RB1: variants seen among roughly 807,000 people sequenced by gnomAD.
The protein encoded by RB1 is retinoblastoma-associated protein.
In RB1, 18 loss-of-function variants were observed where a neutral mutation model predicts 135.4. That is an observed-to-expected ratio of 0.13 (90% CI 0.09 to 0.20). The LOEUF (loss-of-function observed/expected upper bound fraction) is 0.20. RB1 is among the 10% of genes least tolerant of loss of function. The probability of loss-of-function intolerance (pLI) is 1.00; values close to 1 mark genes in which losing one functional copy is unlikely to be tolerated. For missense variants in RB1, 868 were observed against 1,110.0 expected, an observed-to-expected ratio of 0.78 and a Z score of 3.10; for synonymous variants, 365 against 373.2, an observed-to-expected ratio of 0.98 and a Z score of 0.25.
rs1039243676 is a variant in RB1, at chr13:48,345,336, C to T, written c.500+137C>T. The T allele has an allele frequency of 5.7e-5, 58 of 1,010,492 alleles. 1 individual carries two copies. The Middle Eastern group carries it at 1.6e-3, about 28-fold the overall frequency. 62.6% of individuals were successfully genotyped at this position (1,010,492 alleles called of 1,614,324 possible). Reference sequence around the variant, plus strand: ...AGACTTGTCCCTTTTAATGTTAGCTCATTAATTCTTAGCTTTCTTATTTAT... The same window carrying T: ...AGACTTGTCCCTTTTAATGTTAGCTTATTAATTCTTAGCTTTCTTATTTAT... On this transcript the variant is annotated intron_variant, in intron 4 of 26. Transcript: ENST00000267163.
chr13:48,316,686 C>T (rs925440074), intron 2 of RB1, among the ~76,000 whole-genome samples: 24 of 148,848 alleles, frequency 1.6e-4, no homozygotes, highest in Non-Finnish European at 3.4e-4. Context: ...GTATAACCGA[C>T]TCCTGTTTCT....
chr13:48,309,044 T>A (rs1952110147), intron 2 of RB1, among the ~76,000 whole-genome samples: 1 of 152,188 alleles, frequency 6.6e-6, no homozygotes, highest in Non-Finnish European at 1.5e-5. Flanking sequence ...TTCCAACTTT[T>A]TGATGCTATA....
chr13:48,465,760 C>T (rs915622553), intron 23 of RB1, among the ~76,000 whole-genome samples: 19 of 151,230 alleles, frequency 1.3e-4, no homozygotes, highest in Non-Finnish European at 1.0e-4. Context: ...CGCAAGGGGT[C>T]AGGGAGTTCC....
intron 17 of RB1, among the ~76,000 whole-genome samples, chr13:48,416,000 T>C (rs993002459): frequency 2.0e-5 from 3 of 152,228 alleles, no homozygotes; most frequent in African/African-American, 7.2e-5. Flanking sequence ...TAATAGATAC[T>C]TTTGTATTTG....
chr13:48,323,662 T>C (rs1467160934), intron 2 of RB1, among the ~76,000 whole-genome samples: 1 of 152,120 alleles, frequency 6.6e-6, no homozygotes, highest in African/African-American at 2.4e-5. Flanking sequence ...CTGCCTACTT[T>C]TAGAATTGCT....
intron 17 of RB1, among the ~76,000 whole-genome samples, chr13:48,424,558 G>C (rs919386362): frequency 1.3e-5 from 2 of 152,038 alleles, no homozygotes; most frequent in African/African-American, 4.8e-5. Context: ...ACTTGAATAA[G>C]CATATTTATC....
intron 17 of RB1, among the ~76,000 whole-genome samples, chr13:48,385,840 A>G (rs763261350): frequency 1.2e-4 from 18 of 152,166 alleles, no homozygotes; most frequent in Admixed American, 1.3e-4. Flanking sequence ...TGTAACATTT[A>G]TGATGTTCAG....
intron 2 of RB1, among the ~76,000 whole-genome samples, chr13:48,338,521 CA>C (rs1163328525): frequency 2.6e-5 from 4 of 152,202 alleles, no homozygotes; most frequent in African/African-American, 9.6e-5. Context: ...CCATGGTTTT[CA>C]GCTCCATCAG....
At chr13:48,393,410 T>G (rs568472704) in intron 17 of RB1, among the ~76,000 whole-genome samples, 5 of 152,250 alleles carry the variant, frequency 3.3e-5, no homozygotes, top group Admixed American at 6.5e-5. Flanking sequence ...CCCCAGGCAG[T>G]AAGCTGTGGC....
intron 17 of RB1, among the ~76,000 whole-genome samples, chr13:48,405,380 A>C (rs1593473376): frequency 6.6e-6 from 1 of 152,298 alleles, no homozygotes; most frequent in East Asian, 1.9e-4. Flanking sequence ...GGGCTTTTGA[A>C]GAATTTTAAG....
chr13:48,355,067 GA>G (rs1237861538), intron 6 of RB1, among the ~76,000 whole-genome samples: 1 of 151,864 alleles, frequency 6.6e-6, no homozygotes, highest in Admixed American at 6.6e-5. Flanking sequence ...ATGGATAAAC[GA>G]GATCATATCA....
intron 26 of RB1, among the ~76,000 whole-genome samples, chr13:48,479,466 G>A (rs1185512471): frequency 1.3e-5 from 2 of 152,150 alleles, no homozygotes; most frequent in African/African-American, 4.8e-5. Flanking sequence ...AGTATGCAAA[G>A]TCATCTTTTG....
chr13:48,331,737 C>A (rs1952338535), intron 2 of RB1, among the ~76,000 whole-genome samples: 1 of 152,104 alleles, frequency 6.6e-6, no homozygotes, highest in Non-Finnish European at 1.5e-5. Flanking sequence ...GCAATCCTAC[C>A]TTTTGGTAGA....
At chr13:48,382,455 T>C (rs1435584278) in intron 17 of RB1, among the ~76,000 whole-genome samples, 1 of 152,232 alleles carries the variant, frequency 6.6e-6, no homozygotes. Context: ...CCAGTGATGA[T>C]GAGCATTTTT....
At chr13:48,470,683 C>G (rs198597) in intron 23 of RB1, among the ~76,000 whole-genome samples, 747 of 12,862 alleles carry the variant, frequency 0.058, 49 homozygotes, top group East Asian at 0.5. Context: ...GGGCTAATAT[C>G]CAGAATCTAC....
Position 48,303,812 on chromosome 13 carries a change from A to G in RB1, c.-101A>G, listed in dbSNP as rs2138026391. 7.0e-7 allele frequency: 1 copy of G among 1,437,960 alleles called. No homozygotes were observed. The highest frequency in any genetic ancestry group is 9.2e-7 in the Non-Finnish European group (1 of 1,092,040). 89.1% of individuals were successfully genotyped at this position (1,437,960 alleles called of 1,614,324 possible). A position where few individuals can be genotyped will look rare whatever the true frequency, so the allele number is the denominator to read the frequency against. ...CAGGGGACGTTGAAATTATTTTTGTAACGGGAGTCGGGAGAGGACGGGGCG... is the reference window on the plus strand; with the variant it reads ...CAGGGGACGTTGAAATTATTTTTGTGACGGGAGTCGGGAGAGGACGGGGCG... On this transcript the variant is annotated 5_prime_UTR_variant, in exon 1 of 27. Transcript: ENST00000267163.
chr13:48,318,018 A>AC, intron 2 of RB1: 1 of 502,426 alleles, frequency 2.0e-6, no homozygotes, highest in Non-Finnish European at 3.8e-6. Context: ...CTGTCGTCAG[A>AC]CAGGGAGCCG....
At chr13:48,348,878 C>T in intron 5 of RB1, 78 bp from the exon 6 acceptor site, 1 of 1,520,528 alleles carries the variant, frequency 6.6e-7, no homozygotes, top group Non-Finnish European at 8.8e-7. Context: ...AAAGAAACAC[C>T]CAAAAGATAT....
In RB1 at chr13:48,362,826, A is replaced by G. The variant is rs778605591; in HGVS notation, c.730A>G (p.Ile244Val). The G allele has an allele frequency of 1.9e-6, 3 of 1,613,750 alleles. No individual in the cohort carries two copies. The highest frequency in any genetic ancestry group is 8.5e-7 in the Non-Finnish European group (1 of 1,179,742). Residue 244 changes from isoleucine to valine, a missense_variant, in exon 8 of 27, where the codon ATA becomes GTA. Physicochemically the swap from Ile to Val is conservative, Grantham distance 29. Coordinates refer to ENST00000267163, the MANE Select transcript of RB1 (RefSeq NM_000321.3). ...LLKEPYKTAVIPINGSPRTPR... is the reference protein window; with the variant it reads ...LLKEPYKTAVVPINGSPRTPR... ...TACCACTTTTACAGAAACAGCTGTT[A>G]TACCCATTAATGGTTCACCTCGAAC...
Sources: allele counts gnomAD v4.1 joint callset (sites outside exome capture counted in the v4.1 genomes callset), GRCh38; gene constraint gnomAD v4.1.1; transcripts MANE v1.5; gene names NCBI Gene and HGNC (gene_info 2026-07-23, HGNC 2026-07-21).